Variants in PXDNL observed in about 807,000 individuals in gnomAD.
PXDNL encodes the protein probable oxidoreductase PXDNL.
In PXDNL, 145 loss-of-function variants were observed where a neutral mutation model predicts 150.8. The ratio of observed to expected loss-of-function variants is 0.96; its 90% confidence interval spans 0.84 to 1.10. The LOEUF is 1.10. PXDNL is among the 50% of genes least tolerant of loss of function. The pLI is 0.00. For missense variants in PXDNL, 2,087 were observed against 1,873.9 expected, an observed-to-expected ratio of 1.11 and a Z score of -2.10; for synonymous variants, 757 against 725.7, an observed-to-expected ratio of 1.04 and a Z score of -0.69.
intron 2 of PXDNL, among the ~76,000 whole-genome samples, chr8:51,594,797 G>C (rs1404120105): frequency 6.6e-6 from 1 of 151,940 alleles, no homozygotes; most frequent in Non-Finnish European, 1.5e-5. Context: ...GTAATGTTTT[G>C]GTTAAGTGGT....
chr8:51,674,175 T>C (rs1288084069), intron 1 of PXDNL, among the ~76,000 whole-genome samples: 1 of 152,170 alleles, frequency 6.6e-6, no homozygotes, highest in Non-Finnish European at 1.5e-5. Context: ...ATTGCCTCTC[T>C]TCCTCCAACT....
chr8:51,468,317 G>C (rs895194215), intron 8 of PXDNL, among the ~76,000 whole-genome samples: 1 of 151,714 alleles, frequency 6.6e-6, no homozygotes, highest in African/African-American at 2.4e-5. Flanking sequence ...TATTTTGTTA[G>C]GTATATAAAG....
chr8:51,468,512 A>G (rs764604925), intron 8 of PXDNL, among the ~76,000 whole-genome samples: 6 of 151,942 alleles, frequency 3.9e-5, no homozygotes, highest in Non-Finnish European at 8.8e-5. Context: ...CACCTCTTAT[A>G]AATAGCATAT....
intron 1 of PXDNL, among the ~76,000 whole-genome samples, chr8:51,722,529 G>C (rs1453371449): frequency 6.6e-6 from 1 of 152,210 alleles, no homozygotes; most frequent in African/African-American, 2.4e-5. Context: ...GTCACACACA[G>C]ACTCAGGGAT....
At chr8:51,669,467 G>C (rs1815456296) in intron 1 of PXDNL, among the ~76,000 whole-genome samples, 1 of 152,050 alleles carries the variant, frequency 6.6e-6, no homozygotes, top group South Asian at 2.1e-4. Context: ...TGCTTACTTA[G>C]GTTTTGGAAA....
chr8:51,485,396 C>G (rs552317495), intron 5 of PXDNL, among the ~76,000 whole-genome samples: 57 of 152,306 alleles, frequency 3.7e-4, no homozygotes, highest in African/African-American at 1.3e-3. Context: ...AAACTCTACT[C>G]AGGTTCTCCT....
chr8:51,396,680 C>T (rs902464656), intron 17 of PXDNL, among the ~76,000 whole-genome samples: 2 of 152,150 alleles, frequency 1.3e-5, no homozygotes, highest in Admixed American at 6.5e-5. Flanking sequence ...AACGCTTGAA[C>T]GTGGGAGGCA....
At chr8:51,418,883 A>G (rs1808871796) in intron 14 of PXDNL, among the ~76,000 whole-genome samples, 1 of 152,186 alleles carries the variant, frequency 6.6e-6, no homozygotes. Flanking sequence ...AAAATGATGA[A>G]AGGCTGAGCC....
chr8:51,565,188 G>A (rs568532145), intron 3 of PXDNL, among the ~76,000 whole-genome samples: 22 of 151,760 alleles, frequency 1.4e-4, no homozygotes, highest in Middle Eastern at 3.4e-3. Context: ...GTGGGAGGTC[G>A]TAGCTAAAAC....
intron 2 of PXDNL, among the ~76,000 whole-genome samples, chr8:51,629,938 T>G (rs1814456784): frequency 2.0e-5 from 3 of 152,096 alleles, no homozygotes; most frequent in Admixed American, 6.5e-5. Context: ...AAAAATCTAT[T>G]TTACAATTAA....
intron 2 of PXDNL, among the ~76,000 whole-genome samples, chr8:51,650,208 A>G (rs1003067928): frequency 3.9e-5 from 6 of 152,108 alleles, no homozygotes; most frequent in African/African-American, 1.4e-4. Flanking sequence ...AGTATTATAT[A>G]CAGACAAAGT....
At chr8:51,721,494 A>G (rs1816728607) in intron 1 of PXDNL, among the ~76,000 whole-genome samples, 1 of 152,140 alleles carries the variant, frequency 6.6e-6, no homozygotes, top group Non-Finnish European at 1.5e-5. Flanking sequence ...TTCAACTTCT[A>G]CTTTCTTTAG....
chr8:51,679,913 T>C (rs1177093375), intron 1 of PXDNL, among the ~76,000 whole-genome samples: 1 of 152,188 alleles, frequency 6.6e-6, no homozygotes, highest in Non-Finnish European at 1.5e-5. Flanking sequence ...CACTCATAAC[T>C]CTCTCCTGGG....
intron 5 of PXDNL, among the ~76,000 whole-genome samples, chr8:51,496,744 C>T (rs1811061194): frequency 6.6e-6 from 1 of 152,010 alleles, no homozygotes. Flanking sequence ...CGTGAAGGAC[C>T]CCCAAGGAGA....
intron 1 of PXDNL, among the ~76,000 whole-genome samples, chr8:51,791,814 G>A (rs970550468): frequency 1.3e-5 from 2 of 152,142 alleles, no homozygotes; most frequent in Non-Finnish European, 2.9e-5. Flanking sequence ...AATCATTATA[G>A]GGGCTGTTCT....
intron 11 of PXDNL, among the ~76,000 whole-genome samples, 160 bp from the exon 12 acceptor site, chr8:51,447,322 C>A (rs1809699312): frequency 6.6e-6 from 1 of 152,092 alleles, no homozygotes; most frequent in African/African-American, 2.4e-5. Flanking sequence ...CCCAGAAACA[C>A]AGCACCCCCA....
intron 2 of PXDNL, among the ~76,000 whole-genome samples, chr8:51,629,222 G>A (rs1814435996): frequency 6.6e-6 from 1 of 152,090 alleles, no homozygotes; most frequent in Non-Finnish European, 1.5e-5. Flanking sequence ...AGACATAGTG[G>A]AGATTAAAAA....
intron 2 of PXDNL, among the ~76,000 whole-genome samples, chr8:51,612,920 T>C (rs151137214): frequency 2.6e-5 from 4 of 152,346 alleles, no homozygotes; most frequent in Non-Finnish European, 4.4e-5. Flanking sequence ...TGAACCTTTG[T>C]AAGAGTCCCT....
intron 3 of PXDNL, among the ~76,000 whole-genome samples, chr8:51,580,914 TA>T (rs1232361775): frequency 1.3e-5 from 2 of 152,164 alleles, no homozygotes; most frequent in Admixed American, 6.5e-5. Context: ...ACTCCATAGA[TA>T]TTTTTTTGCA....
Sources: gnomAD v4.1 joint callset for allele counts (sites outside exome capture counted in the v4.1 genomes callset) on GRCh38, gnomAD v4.1.1 for gene constraint, MANE v1.5 for transcripts, NCBI Gene and HGNC (gene_info 2026-07-23, HGNC 2026-07-21) for gene names.